The following DMD variants were observed in gnomAD, a reference collection of about 807,000 sequenced individuals.
DMD encodes the protein dystrophin.
In DMD, 63 loss-of-function variants were observed where a neutral mutation model predicts 330.1. The ratio of observed to expected loss-of-function variants is 0.19; its 90% CI spans 0.16 to 0.24. DMD has a LOEUF of 0.24. Ranked by LOEUF, DMD falls within the 10% of genes least tolerant of loss-of-function variation. The pLI, the probability that DMD is intolerant of heterozygous loss-of-function variation, is 1.00. For missense variants in DMD, 3,344 were observed against 2,684.1 expected, an observed-to-expected ratio of 1.25 and a Z score of -5.43; for synonymous variants, 1,223 against 959.8, an observed-to-expected ratio of 1.27 and a Z score of -5.07.
chrX:33,066,397 C>A (rs1325551254), intron 1 of DMD, among the ~76,000 whole-genome samples: 2 of 88,632 alleles, frequency 2.3e-5, no homozygotes, highest in Non-Finnish European at 4.1e-5. Context: ...TGCAGTGAGA[C>A]GAGATCACAC....
In DMD at chrX:32,870,074, G is replaced by A. The variant is rs767775897; in HGVS notation, c.94-20254C>T. On this transcript the variant is annotated intron_variant, in intron 2 of 78. Transcript: ENST00000357033. ...TCGTCTCACCCCAAAATCTCCTTAA[G>A]CTGGCAAGCAAATTCAGCAAAGTCT... is the stretch of plus-strand genomic sequence containing the variant. Among the ~76,000 whole-genome samples the A allele has an allele frequency of 2.7e-5, 3 of 111,694 alleles. No individual in the cohort carries two copies. In the South Asian group the frequency reaches 1.1e-3, roughly 42 times the overall value.
At chrX:32,946,493 A>C (rs1184040973) in intron 2 of DMD, among the ~76,000 whole-genome samples, 3 of 112,032 alleles carry the variant, frequency 2.7e-5, no homozygotes, top group African/African-American at 9.7e-5. Flanking sequence ...ATAAAAATCT[A>C]ACGTAAATTC....
intron 7 of DMD, among the ~76,000 whole-genome samples, chrX:32,756,596 C>G (rs1323760837): frequency 9.0e-6 from 1 of 110,609 alleles, no homozygotes; most frequent in Non-Finnish European, 1.9e-5. Context: ...GATTAATCTC[C>G]TTGTGGATCA....
intron 1 of DMD, among the ~76,000 whole-genome samples, chrX:33,096,102 G>A (rs1446867861): frequency 2.8e-5 from 3 of 106,176 alleles, no homozygotes; most frequent in Admixed American, 2.1e-4. Context: ...AGCCTCCAGA[G>A]TAGCTGGGTC....
intron 18 of DMD, 33 bp from the exon 19 acceptor site, chrX:32,501,875 T>A (rs749587442): frequency 9.7e-7 from 1 of 1,031,316 alleles, no homozygotes; most frequent in South Asian, 2.0e-5. Context: ...AGTAATTCAA[T>A]ACAAGGACTG....
chrX:32,022,957 C>T (rs2095818091), intron 44 of DMD, among the ~76,000 whole-genome samples: 2 of 109,268 alleles, frequency 1.8e-5, no homozygotes, highest in African/African-American at 6.7e-5. Flanking sequence ...CTCAGCCTCC[C>T]GAGTAGCTGA....
intron 9 of DMD, among the ~76,000 whole-genome samples, chrX:32,651,329 G>A (rs770449724): frequency 1.8e-5 from 2 of 110,033 alleles, no homozygotes; most frequent in Admixed American, 1.9e-4. Context: ...TTTTAATAGA[G>A]ACAGGGTTTC....
rs776345514 is a variant in DMD at position 31,368,653 on chromosome X, C to CTT, written c.9085-20021_9085-20020dup. ...TTACTTGCACCCAGGTCCCCCCGCC[C>CTT]TTTTTTTTTTGAGACAGAGTCTTGC... On this transcript the variant is annotated intron_variant, in intron 60 of 78. Transcript: ENST00000357033. Among the ~76,000 whole-genome samples the CTT allele has an allele frequency of 1.9e-3, 203 of 106,148 alleles. 2 individuals carry two copies. Among genetic ancestry groups the CTT allele is most frequent in the African/African-American group, 6.7e-3 (196 of 29,384 alleles). 92.2% of individuals were successfully genotyped at this position (106,148 alleles called of 115,157 possible).
At chrX:33,018,902 TGA>T (rs1309853878) in intron 2 of DMD, among the ~76,000 whole-genome samples, 8 of 83,921 alleles carry the variant, frequency 9.5e-5, no homozygotes, top group African/African-American at 3.2e-4. Flanking sequence ...TAAAAAAAGT[TGA>T]GGATTTAAAA....
intron 61 of DMD, among the ~76,000 whole-genome samples, chrX:31,333,710 TC>T (rs2057269093): frequency 1.8e-5 from 2 of 110,431 alleles, no homozygotes; most frequent in South Asian, 7.7e-4. Flanking sequence ...ATTTTTTTTT[TC>T]CACAGACATT....
chrX:32,156,813 T>C (rs750389696), intron 44 of DMD, among the ~76,000 whole-genome samples: 10 of 111,730 alleles, frequency 9.0e-5, no homozygotes, highest in Non-Finnish European at 1.3e-4. Context: ...ATTCTTTACA[T>C]GTTACTGTCC....
intron 49 of DMD, among the ~76,000 whole-genome samples, chrX:31,835,316 A>G (rs747673626): frequency 7.9e-4 from 88 of 111,920 alleles, no homozygotes; most frequent in Non-Finnish European, 1.5e-3. Context: ...GTAGATAGAA[A>G]CGTATGCAAT....
chrX:32,949,022 G>T (rs2091012676), intron 2 of DMD, among the ~76,000 whole-genome samples: 1 of 110,565 alleles, frequency 9.0e-6, no homozygotes, highest in Admixed American at 9.8e-5. Flanking sequence ...ATTTTTATTA[G>T]ATCATGATGT....
At chrX:33,221,650 A>T (rs2052180995) in intron 1 of DMD, among the ~76,000 whole-genome samples, 1 of 111,274 alleles carries the variant, frequency 9.0e-6, no homozygotes, top group African/African-American at 3.3e-5. Context: ...AATTGAGAGG[A>T]CACAAGTTAC....
At chrX:32,117,859 A>G (rs1452415411) in intron 44 of DMD, among the ~76,000 whole-genome samples, 1 of 111,523 alleles carries the variant, frequency 9.0e-6, no homozygotes, top group Admixed American at 9.5e-5. Context: ...ATCAGAGACA[A>G]AGAGTATGTG....
At chrX:33,212,340 A>C (rs1305975257), upstream of DMD, among the ~76,000 whole-genome samples, 1 of 112,012 alleles carries the variant, frequency 8.9e-6, no homozygotes, top group Non-Finnish European at 1.9e-5. Flanking sequence ...TGTTTTCTGT[A>C]TTAAGTGAAT....
intron 44 of DMD, among the ~76,000 whole-genome samples, chrX:32,123,202 C>CATATATATATATATATATATATATAT (rs59017074): frequency 1.2e-4 from 4 of 32,561 alleles, no homozygotes; most frequent in Non-Finnish European, 2.0e-4. Context: ...TGTGAGCATG[C>CATATATATATATATATATATATATAT]ATATATATAT....
chrX:32,805,332 G>C (rs1040057458), intron 7 of DMD, among the ~76,000 whole-genome samples: 3 of 111,586 alleles, frequency 2.7e-5, no homozygotes, highest in Non-Finnish European at 5.6e-5. Flanking sequence ...AGTATCAATA[G>C]CTCAATCGAT....
At chrX:31,622,846 T>TTATATATATATATATA (rs757102035) in intron 55 of DMD, among the ~76,000 whole-genome samples, 1 of 74,180 alleles carries the variant, frequency 1.3e-5, no homozygotes, top group East Asian at 4.8e-4. Context: ...CAGAAAAATT[T>TTATATATATATATATA]TATATATATA....
Sources: gnomAD v4.1 joint callset for allele counts (sites outside exome capture counted in the v4.1 genomes callset) on GRCh38, gnomAD v4.1.1 for gene constraint, MANE v1.5 for transcripts, NCBI Gene and HGNC (gene_info 2026-07-23, HGNC 2026-07-21) for gene names.